Variants in FUT8 observed in about 807,000 individuals in gnomAD.
FUT8 encodes alpha-(1,6)-fucosyltransferase.
A neutral mutation model predicts 71.3 loss-of-function variants in FUT8; 29 were observed. The observed-to-expected ratio is 0.41, with a 90% CI of 0.30 to 0.55. FUT8 has a LOEUF of 0.55. FUT8 is among the 20% of genes least tolerant of loss of function. The probability of loss-of-function intolerance (pLI) is 0.34; values close to 1 mark genes in which losing one functional copy is unlikely to be tolerated. For synonymous variants in FUT8, 254 were observed against 239.3 expected (o/e 1.06, Z -0.57); for missense variants, 544 against 702.1 (o/e 0.77, Z 2.55).
intron 7 of FUT8, among the ~76,000 whole-genome samples, chr14:65,695,649 C>T (rs1290405292): frequency 1.3e-5 from 2 of 151,856 alleles, no homozygotes; most frequent in African/African-American, 4.8e-5. Context: ...GATTTTTGTA[C>T]CTAACATATA....
At chr14:65,432,061 G>A (rs901842447) in intron 1 of FUT8, among the ~76,000 whole-genome samples, 5 of 152,120 alleles carry the variant, frequency 3.3e-5, no homozygotes, top group African/African-American at 1.2e-4. Context: ...GCCAAATGGG[G>A]ATTCTTCAGT....
chr14:65,661,650 TA>T (rs1259739087), intron 6 of FUT8, among the ~76,000 whole-genome samples: 1 of 152,170 alleles, frequency 6.6e-6, no homozygotes, highest in African/African-American at 2.4e-5. Flanking sequence ...AAAAATCATT[TA>T]ATTTATAAGC....
intron 6 of FUT8, among the ~76,000 whole-genome samples, chr14:65,639,853 T>C (rs1890746259): frequency 6.6e-6 from 1 of 152,124 alleles, no homozygotes; most frequent in Non-Finnish European, 1.5e-5. Context: ...TTTATTTCAG[T>C]ATGAATTTCT....
chr14:65,357,458 G>T, the FUT8 span, among the ~76,000 whole-genome samples: 1 of 151,758 alleles, frequency 6.6e-6, no homozygotes, highest in Non-Finnish European at 1.5e-5. Flanking sequence ...TAGAATACTC[G>T]AACAGAGGCT....
At chr14:65,468,388 G>T (rs1248159898) in intron 2 of FUT8, 2 of 372,932 alleles carry the variant, frequency 5.4e-6, no homozygotes, top group Non-Finnish European at 4.7e-6. Flanking sequence ...CGAAAGGTTG[G>T]ATTTTTTTTT....
At position 65,472,069 on chromosome 14, in the gene FUT8, A is replaced by G. The variant is rs760939768; in HGVS notation, c.-228+16351A>G. 4.6e-4 allele frequency among the ~76,000 whole-genome samples: 70 copies of G among 152,130 alleles called. No individual in the cohort carries two copies. Among genetic ancestry groups the G allele is most frequent in the Non-Finnish European group, 9.4e-4 (64 of 68,012 alleles). On this transcript the variant is annotated intron_variant, in intron 2 of 10. Transcript: ENST00000673929. This position sits in a 1 kb window ranked among gnomAD's most constrained non-coding sequence, Gnocchi z 4.4. ...CTGCCTTGTCTTGTTTTGTGTTGCT[A>G]TGTAGGAATACCTGAGGCTAGGTAA...
chr14:65,680,289 G>T (rs1439933883), intron 7 of FUT8, among the ~76,000 whole-genome samples: 1 of 152,160 alleles, frequency 6.6e-6, no homozygotes, highest in Non-Finnish European at 1.5e-5. Context: ...ATGACCTAAA[G>T]ATATTCTCTT....
At position 65,592,994 on chromosome 14, in the gene FUT8, C is replaced by G. The variant is rs527790302; in HGVS notation, c.204-22984C>G. 6.3e-4 allele frequency among the ~76,000 whole-genome samples: 96 copies of G among 152,260 alleles called. 1 individual carries two copies. In the South Asian group the frequency reaches 0.019, roughly 31 times the overall value. ...TTTGGTAATCTGGTAATTTCTTTTG[C>G]ATTTTCTTCACATCCTCTGAGATCA... On this transcript the variant is annotated intron_variant, in intron 3 of 10. Coordinates refer to ENST00000673929, the MANE Select transcript of FUT8 (RefSeq NM_001371533.1).
chr14:65,658,204 GA>G (rs1445797608), intron 6 of FUT8, among the ~76,000 whole-genome samples: 1 of 152,060 alleles, frequency 6.6e-6, no homozygotes, highest in African/African-American at 2.4e-5. Flanking sequence ...ATAAGCACAT[GA>G]AAAATGTTAA....
chr14:65,726,604 C>T (rs1477504448), intron 9 of FUT8, among the ~76,000 whole-genome samples: 2 of 152,160 alleles, frequency 1.3e-5, no homozygotes, highest in Non-Finnish European at 2.9e-5. Flanking sequence ...TCCACTGGGT[C>T]CCTCCCACAA....
chr14:65,388,041 A>G, the FUT8 span, among the ~76,000 whole-genome samples: 1 of 152,244 alleles, frequency 6.6e-6, no homozygotes, highest in East Asian at 1.9e-4. Context: ...TCTATATATT[A>G]TAAAGTTCTT....
intron 6 of FUT8, among the ~76,000 whole-genome samples, chr14:65,651,350 C>T (rs1891398775): frequency 6.6e-6 from 1 of 152,150 alleles, no homozygotes; most frequent in Admixed American, 6.5e-5. Flanking sequence ...CCCAGTGGGG[C>T]AGAACAGAAC....
intron 2 of FUT8, chr14:65,468,491 A>G (rs2066082877): frequency 3.4e-6 from 1 of 294,052 alleles, no homozygotes; most frequent in Admixed American, 4.3e-5. Context: ...TTCTCTGTGG[A>G]TAAGATGTTT....
chr14:65,521,747 A>G (rs142607895), intron 2 of FUT8, among the ~76,000 whole-genome samples: 1,852 of 152,290 alleles, frequency 0.012, 15 homozygotes, highest in South Asian at 0.024. Context: ...ACATTCTAAG[A>G]TATGCTGAAA....
At chr14:65,570,762 T>C (rs1389058938) in intron 3 of FUT8, among the ~76,000 whole-genome samples, 2 of 152,118 alleles carry the variant, frequency 1.3e-5, no homozygotes, top group Non-Finnish European at 2.9e-5. Context: ...GAATTAAATA[T>C]GGTCTGAGAA....
At chr14:65,533,044 T>C (rs1234373450) in intron 2 of FUT8, among the ~76,000 whole-genome samples, 3 of 152,200 alleles carry the variant, frequency 2.0e-5, no homozygotes, top group Non-Finnish European at 4.4e-5. Flanking sequence ...CCATGCTGTT[T>C]TGGTTACTAT....
intron 3 of FUT8, among the ~76,000 whole-genome samples, chr14:65,572,954 T>C (rs1215542622): frequency 1.3e-5 from 2 of 152,174 alleles, no homozygotes; most frequent in African/African-American, 4.8e-5. Context: ...CTTGACCTAA[T>C]TGACATTTAC....
chr14:65,499,755 C>G (rs1039464525), intron 2 of FUT8, among the ~76,000 whole-genome samples: 2 of 150,552 alleles, frequency 1.3e-5, no homozygotes, highest in African/African-American at 4.9e-5. Flanking sequence ...TCTATCCAGG[C>G]TGCAGTGATC....
rs1226640973 is a variant in FUT8, at chr14:65,413,567, C to A, written c.-326+353C>A. ...GTTGGGGGCGGGGGTGGGAGGTGTC[C>A]GTCGTTTCCCCTCCACACCTACCTT... On this transcript the variant is annotated intron_variant, in intron 1 of 10. Transcript: ENST00000673929. The surrounding 1 kb of genome is among the most constrained non-coding windows in gnomAD (Gnocchi z 4.1). Among the ~76,000 whole-genome samples, 1 of 152,144 alleles carries A rather than the reference C, an allele frequency of 6.6e-6. No individual in the cohort carries two copies. Among genetic ancestry groups the A allele is most frequent in the Non-Finnish European group, 1.5e-5 (1 of 68,012 alleles).
Sources: allele counts gnomAD v4.1 joint callset (sites outside exome capture counted in the v4.1 genomes callset), GRCh38; gene constraint gnomAD v4.1.1; non-coding constraint Gnocchi (gnomAD v3.1); transcripts MANE v1.5; gene names NCBI Gene and HGNC (gene_info 2026-07-23, HGNC 2026-07-21).